Variants in TAPT1 observed in about 807,000 individuals in gnomAD.
The protein encoded by TAPT1 is transmembrane anterior posterior transformation protein 1 homolog.
In TAPT1, 28 loss-of-function variants were observed where a neutral mutation model predicts 65.6. That is an observed-to-expected ratio of 0.43 (90% CI 0.32 to 0.59). The LOEUF (loss-of-function observed/expected upper bound fraction) is 0.59, where lower values mean the gene tolerates loss of function less well. TAPT1 is among the 20% of genes least tolerant of loss of function. The probability of loss-of-function intolerance (pLI) is 0.09; values close to 1 mark genes in which losing one functional copy is unlikely to be tolerated. For synonymous variants in TAPT1, 278 were observed against 245.2 expected (o/e 1.13, Z -1.25); for missense variants, 563 against 679.9 (o/e 0.83, Z 1.91).
Position 16,187,244 on chromosome 4 carries a change from A to G in TAPT1, c.749-366T>C, listed in dbSNP as rs541808148. On this transcript the variant is annotated intron_variant, in intron 5 of 13. Coordinates refer to ENST00000405303, the MANE Select transcript of TAPT1 (RefSeq NM_153365.3). ...AATAAATTATGGTAAATACTGAAAG[A>G]AGAGACTAAGAAATACACATTCTGA... Among the ~76,000 whole-genome samples the G allele has an allele frequency of 5.3e-5, 8 of 152,326 alleles. No individual in the cohort carries two copies. In the South Asian group the frequency reaches 1.2e-3, roughly 24 times the overall value.
At chr4:16,168,183 C>T (rs896685927) in intron 12 of TAPT1, among the ~76,000 whole-genome samples, 5 of 151,696 alleles carry the variant, frequency 3.3e-5, no homozygotes, top group Non-Finnish European at 5.9e-5. Context: ...GCATGATCAT[C>T]GCTCACTGCA....
chr4:16,174,922 T>C, intron 9 of TAPT1, 193 bp from the exon 10 acceptor site: 1 of 455,134 alleles, frequency 2.2e-6, no homozygotes, highest in Non-Finnish European at 3.9e-6. Flanking sequence ...TCCACCGAAC[T>C]GTTAACATTC....
At chr4:16,198,243 T>C (rs1029432612) in intron 3 of TAPT1, among the ~76,000 whole-genome samples, 1 of 152,134 alleles carries the variant, frequency 6.6e-6, no homozygotes, top group Non-Finnish European at 1.5e-5. Flanking sequence ...GTTCAAATAT[T>C]AAGTTATGAA....
intron 12 of TAPT1, 99 bp from the exon 13 acceptor site, chr4:16,166,892 G>T: frequency 8.5e-7 from 1 of 1,175,112 alleles, no homozygotes; most frequent in Non-Finnish European, 1.2e-6. Context: ...GGGGGGGCAT[G>T]GGACGGTGAC....
intron 7 of TAPT1, among the ~76,000 whole-genome samples, chr4:16,181,158 G>A (rs533933336): frequency 1.3e-5 from 2 of 152,228 alleles, no homozygotes; most frequent in African/African-American, 4.8e-5. Flanking sequence ...AGCTAACTGT[G>A]GATCTTAATT....
In TAPT1 at chr4:16,179,660, A is replaced by G. The variant is rs78942971; in HGVS notation, c.917-3T>C. On this transcript the variant is annotated splice_polypyrimidine_tract_variant and splice_region_variant and intron_variant, in intron 7 of 13. Transcript: ENST00000405303. Reference sequence around the variant, plus strand: ...ATTTGTGAATCGTTCCTTAATATCTAAAAGAAAAAAAATCAACATAAGTAC... The same window carrying G: ...ATTTGTGAATCGTTCCTTAATATCTGAAAGAAAAAAAATCAACATAAGTAC... 2,426 of 1,499,682 alleles carry G rather than the reference A, an allele frequency of 1.6e-3. 27 individuals carry two copies. In the East Asian group the frequency reaches 0.033, roughly 20 times the overall value. The allele number at this position is 1,499,682 out of a possible 1,614,324, so 92.9% of individuals were successfully genotyped here. A position where few individuals can be genotyped will look rare whatever the true frequency, so the allele number is the denominator to read the frequency against.
At position 16,191,404 on chromosome 4, in the gene TAPT1, C is replaced by T. The variant is rs1171159044; in HGVS notation, c.569G>A (p.Gly190Glu). 6.2e-7 allele frequency: 1 copy of T among 1,600,586 alleles called. No homozygotes were observed. The highest frequency in any genetic ancestry group is 8.5e-7 in the Non-Finnish European group (1 of 1,173,516). ...DYSMMYHLIR[G>E]QSVIKLYIIY... ...GATGTAGAGCTTGATGACGGACTGC[C>T]CCCTTATCAGGTGGTACATCATGGA... Residue 190 changes from glycine (G) to glutamate (E), a missense_variant, in exon 4 of 14, where the codon GGG (glycine) becomes GAG (glutamate). Physicochemically the swap from Gly to Glu is moderately conservative, Grantham distance 98 (BLOSUM62 -2). Transcript: ENST00000405303.
Position 16,212,858 on chromosome 4 carries a change from C to T in TAPT1, c.330+910G>A, listed in dbSNP as rs148633043. On this transcript the variant is annotated intron_variant, in intron 2 of 13. Coordinates refer to ENST00000405303, the MANE Select transcript of TAPT1 (RefSeq NM_153365.3). ...TTTCTGAAACTGTCACTCTACATTTCGCTCTTTTTCTTCTATTAAACTGAT... is the reference window on the plus strand; with the variant it reads ...TTTCTGAAACTGTCACTCTACATTTTGCTCTTTTTCTTCTATTAAACTGAT... Among the ~76,000 whole-genome samples, 85 of 152,290 alleles carry T rather than the reference C, an allele frequency of 5.6e-4. 1 individual carries two copies. In the East Asian group the frequency reaches 0.016, roughly 28 times the overall value.
chr4:16,218,795 T>C (rs2108896850), intron 1 of TAPT1, among the ~76,000 whole-genome samples: 1 of 152,336 alleles, frequency 6.6e-6, no homozygotes, highest in Middle Eastern at 3.4e-3. Context: ...AGTTCTGGTT[T>C]GGTGGTTATC....
In TAPT1 at chr4:16,180,086, A is replaced by C. The variant is rs560255287; in HGVS notation, c.917-429T>G. On this transcript the variant is annotated intron_variant, in intron 7 of 13. Transcript: ENST00000405303. ...TTGTATAAAATCCCAGACTATTTCC[A>C]ATCTGGTAAATAGTACACAATTACT... Among the ~76,000 whole-genome samples, 3 of 152,318 alleles carry C rather than the reference A, an allele frequency of 2.0e-5. No individual in the cohort carries two copies. The East Asian group carries it at 5.8e-4, about 29-fold the overall frequency.
At chr4:16,194,565 T>C (rs1749575363) in intron 3 of TAPT1, among the ~76,000 whole-genome samples, 1 of 152,150 alleles carries the variant, frequency 6.6e-6, no homozygotes, top group Admixed American at 6.5e-5. Context: ...GGATACTTTA[T>C]CACTGTACCG....
chr4:16,218,742 T>C (rs916101679), intron 1 of TAPT1, among the ~76,000 whole-genome samples: 4 of 152,254 alleles, frequency 2.6e-5, no homozygotes, highest in Admixed American at 6.5e-5. Flanking sequence ...CGCAGTGTCT[T>C]CAACTACTTC....
At chr4:16,179,089 T>G (rs1560159070) in intron 8 of TAPT1, 1 of 152,712 alleles carries the variant, frequency 6.5e-6, no homozygotes, top group Non-Finnish European at 1.5e-5. Flanking sequence ...GGTACAGTCA[T>G]GTGTCGCTCA....
intron 3 of TAPT1, among the ~76,000 whole-genome samples, chr4:16,201,095 A>G (rs924041163): frequency 6.6e-6 from 1 of 152,194 alleles, no homozygotes; most frequent in Non-Finnish European, 1.5e-5. Flanking sequence ...TAATTGTTTT[A>G]CTCCATGTAA....
intron 3 of TAPT1, among the ~76,000 whole-genome samples, chr4:16,193,297 G>T (rs902087845): frequency 6.6e-6 from 1 of 152,160 alleles, no homozygotes; most frequent in Non-Finnish European, 1.5e-5. Context: ...CTTAAGATGG[G>T]TATGAAAAGC....
At chr4:16,227,151 G>A (rs1391506936), upstream of TAPT1, 1 of 456,002 alleles carries the variant, frequency 2.2e-6, no homozygotes, top group South Asian at 1.5e-5. Flanking sequence ...ATTTGGGCAA[G>A]AAGGAGCTTG....
upstream of TAPT1, chr4:16,226,605 T>G (rs2108908747): frequency 2.5e-6 from 1 of 399,924 alleles, no homozygotes; most frequent in Non-Finnish European, 3.4e-6. Flanking sequence ...CGCGAGCCAT[T>G]GGCGTCAGCG....
chr4:16,224,727 T>C (rs1030922673), intron 1 of TAPT1, among the ~76,000 whole-genome samples: 5 of 152,148 alleles, frequency 3.3e-5, no homozygotes, highest in Non-Finnish European at 5.9e-5. Context: ...TGGTGAAGAA[T>C]GGATACGTGG....
intron 2 of TAPT1, among the ~76,000 whole-genome samples, chr4:16,207,012 A>T (rs1258566122): frequency 6.6e-6 from 1 of 152,078 alleles, no homozygotes; most frequent in African/African-American, 2.4e-5. Flanking sequence ...AGCCTCGGAG[A>T]GAAGGGGAGA....
Sources: gnomAD v4.1 joint callset for allele counts (sites outside exome capture counted in the v4.1 genomes callset) on GRCh38, gnomAD v4.1.1 for gene constraint, MANE v1.5 for transcripts, NCBI Gene and HGNC (gene_info 2026-07-23, HGNC 2026-07-21) for gene names.